The following DLGAP5 variants were observed in gnomAD, a reference collection of about 807,000 sequenced individuals.
The protein encoded by DLGAP5 is disks large-associated protein 5.
DLGAP5 carries 90 observed loss-of-function variants against 99.6 expected under a neutral mutation model. That is an observed-to-expected ratio of 0.90 (90% CI 0.76 to 1.08). The LOEUF (loss-of-function observed/expected upper bound fraction) is 1.08. Among genes scored for constraint, DLGAP5 ranks in the 50% least tolerant of loss-of-function variants. The probability of loss-of-function intolerance (pLI) is 0.00; values close to 1 mark genes in which losing one functional copy is unlikely to be tolerated. For missense variants in DLGAP5, 1,036 were observed against 983.5 expected (o/e 1.05, Z -0.71); for synonymous variants, 311 against 321.3 (o/e 0.97, Z 0.34).
intron 18 of DLGAP5, chr14:55,150,595 T>C (rs543453032): frequency 2.9e-6 from 1 of 343,000 alleles, no homozygotes; most frequent in East Asian, 5.3e-5. Context: ...TAGAAAAACA[T>C]ATCTTCAGGG....
rs377590196 is a variant in DLGAP5 at position 55,151,938 on chromosome 14, C to T, written c.2125G>A (p.Val709Ile). The change falls in exon 17 of 19, where the codon GTA becomes ATA. Residue 709 changes from valine (V) to isoleucine (I), a missense_variant. Physicochemically the swap from Val to Ile is conservative, Grantham distance 29. Coordinates refer to ENST00000247191, the MANE Select transcript of DLGAP5 (RefSeq NM_014750.5). ...LPDLIEENHV[V>I]NKTDLKVDCL... ...TCCACCTTCAAGTCTGTCTTATTTACAACCTGGAAGTAAAAATGGCATTAT... is the reference window on the plus strand; with the variant it reads ...TCCACCTTCAAGTCTGTCTTATTTATAACCTGGAAGTAAAAATGGCATTAT... 2.6e-5 allele frequency: 42 copies of T among 1,608,620 alleles called. No individual in the cohort carries two copies. Among genetic ancestry groups the T allele is most frequent in the Non-Finnish European group, 3.3e-5 (39 of 1,178,048 alleles).
chr14:55,162,926 C>A, intron 13 of DLGAP5, 45 bp downstream of exon 13: 1 of 1,101,652 alleles, frequency 9.1e-7, no homozygotes, highest in Non-Finnish European at 1.3e-6. Flanking sequence ...ATAACAGTTC[C>A]TTAACTAAAA....
intron 11 of DLGAP5, among the ~76,000 whole-genome samples, chr14:55,169,828 C>T (rs1038765210): frequency 3.3e-5 from 5 of 152,180 alleles, no homozygotes; most frequent in Admixed American, 6.6e-5. Context: ...AAGAACTCAA[C>T]GTCAGCCGGT....
intron 18 of DLGAP5, among the ~76,000 whole-genome samples, chr14:55,149,819 G>A (rs913054964): frequency 7.5e-5 from 3 of 39,800 alleles, no homozygotes; most frequent in East Asian, 8.5e-4. Context: ...TCGGGGCGGG[G>A]GGGGGGCATC....
chr14:55,187,700 C>T (rs1566510293), intron 2 of DLGAP5, among the ~76,000 whole-genome samples: 1 of 151,784 alleles, frequency 6.6e-6, no homozygotes, highest in South Asian at 2.1e-4. Flanking sequence ...TCACAGGCAC[C>T]ATTGTAGCAC....
Position 55,158,660 on chromosome 14 carries a change from T to C in DLGAP5, c.1735A>G (p.Ile579Val), listed in dbSNP as rs767025301. The change falls in exon 14 of 19, where the codon ATA becomes GTA. Residue 579 changes from isoleucine to valine, a missense_variant. Coordinates refer to ENST00000247191, the MANE Select transcript of DLGAP5 (RefSeq NM_014750.5). ...ATTCTCTCTCTCATTGCATTTTTTA[T>C]GGCAGCTAGGCGATTTCTCGCTGCA... ...RIAARNRLAA[I>V]KNAMRERIRQ... The C allele has an allele frequency of 6.3e-5, 101 of 1,614,040 alleles. No homozygotes were observed. The highest frequency in any genetic ancestry group is 8.2e-5 in the Non-Finnish European group (97 of 1,180,020).
rs186840287 is a variant in DLGAP5 at position 55,163,516 on chromosome 14, T to C, written c.1549-441A>G. Among the ~76,000 whole-genome samples the C allele has an allele frequency of 2.9e-3, 440 of 152,346 alleles. 4 individuals carry two copies. Among genetic ancestry groups the C allele is most frequent in the Non-Finnish European group, 4.6e-3 (312 of 68,028 alleles). On this transcript the variant is annotated intron_variant, in intron 12 of 18. Transcript: ENST00000247191. ...AAACATCCGTGTGCAGGTTTTTATA[T>C]GGACATAAGTTTTCAACTCATTTGG...
At position 55,150,306 on chromosome 14, in the gene DLGAP5, T is replaced by C. The variant is rs138236936; in HGVS notation, c.2418+493A>G. The C allele has an allele frequency of 4.4e-4, 68 of 153,846 alleles. 2 individuals are homozygous for C. In the East Asian group the frequency reaches 8.8e-3, roughly 20 times the overall value. The allele number at this position is 153,846 out of a possible 1,614,324, so 9.5% of individuals were successfully genotyped here. On this transcript the variant is annotated intron_variant, in intron 18 of 18. Coordinates refer to ENST00000247191, the MANE Select transcript of DLGAP5 (RefSeq NM_014750.5). ...GTATGCCTATGTGCATCTGTACCTATATATAAATTAACATGAGAGAGATAA... is the reference window on the plus strand; with the variant it reads ...GTATGCCTATGTGCATCTGTACCTACATATAAATTAACATGAGAGAGATAA...
At chr14:55,179,578 A>G in intron 7 of DLGAP5, 51 bp downstream of exon 7, 1 of 1,455,956 alleles carries the variant, frequency 6.9e-7, no homozygotes. Flanking sequence ...TTATGAAAGT[A>G]GCAATGAGAT....
intron 2 of DLGAP5, among the ~76,000 whole-genome samples, chr14:55,186,126 C>T (rs1883429227): frequency 1.3e-5 from 2 of 152,010 alleles, no homozygotes; most frequent in African/African-American, 4.8e-5. Context: ...CAAAATTAGC[C>T]AGGCGTGGTG....
At chr14:55,172,473 ATTTTTT>A (rs1193941154) in intron 10 of DLGAP5, among the ~76,000 whole-genome samples, 1 of 151,096 alleles carries the variant, frequency 6.6e-6, no homozygotes, top group Non-Finnish European at 1.5e-5. Flanking sequence ...CTTTATTTTT[ATTTTTT>A]TTAAATACAA....
At chr14:55,175,760 G>C (rs1326097575) in intron 9 of DLGAP5, 134 bp downstream of exon 9, 2 of 775,208 alleles carry the variant, frequency 2.6e-6, no homozygotes, top group Non-Finnish European at 1.9e-6. Flanking sequence ...AAATGATATG[G>C]TGAAAAAGAG....
At chr14:55,165,537 A>C (rs943482871) in intron 12 of DLGAP5, among the ~76,000 whole-genome samples, 1 of 151,870 alleles carries the variant, frequency 6.6e-6, no homozygotes, top group African/African-American at 2.4e-5. Context: ...AAACAAAAAA[A>C]AAAACCCCAA....
intron 14 of DLGAP5, among the ~76,000 whole-genome samples, chr14:55,157,126 C>T (rs80175069): frequency 0.026 from 3,933 of 152,282 alleles, 164 homozygotes; most frequent in African/African-American, 0.09. Context: ...ATGAGAAGGG[C>T]TTCTTCAGGG....
At position 55,177,226 on chromosome 14, in the gene DLGAP5, C is replaced by A. The variant is rs1385319147; in HGVS notation, c.885G>T (p.Glu295Asp). The stretch of plus-strand genomic sequence containing the variant: ...TCCCTTTTATTTTTGCAGTATTTAT[C>A]TCAGGTAAGTTTTCCATTTTTGATA... Reference protein sequence around the residue: ...GVLSKMENLPEINTAKIKGKN... With the variant: ...GVLSKMENLPDINTAKIKGKN... Residue 295 changes from glutamate to aspartate, a missense_variant, in exon 8 of 19, where the codon GAG (glutamate) becomes GAT (aspartate). Coordinates refer to ENST00000247191, the MANE Select transcript of DLGAP5 (RefSeq NM_014750.5). 1.2e-6 allele frequency: 2 copies of A among 1,613,398 alleles called. No individual in the cohort carries two copies.
intron 12 of DLGAP5, among the ~76,000 whole-genome samples, chr14:55,164,446 A>G (rs1158370742): frequency 1.3e-5 from 2 of 152,234 alleles, no homozygotes; most frequent in Admixed American, 1.3e-4. Context: ...GTTATCCATA[A>G]GCAAAAAGAT....
chr14:55,186,550 G>C (rs981357867), intron 2 of DLGAP5, among the ~76,000 whole-genome samples: 1 of 151,998 alleles, frequency 6.6e-6, no homozygotes, highest in Non-Finnish European at 1.5e-5. Flanking sequence ...ACTGACAAAA[G>C]GTAGTCAGTT....
intron 13 of DLGAP5, among the ~76,000 whole-genome samples, chr14:55,161,748 G>A (rs1425299738): frequency 1.3e-5 from 2 of 149,690 alleles, no homozygotes; most frequent in African/African-American, 4.9e-5. Flanking sequence ...AGTGGCTCAT[G>A]CCTGTAATCC....
intron 12 of DLGAP5, among the ~76,000 whole-genome samples, chr14:55,167,968 A>G (rs1029844162): frequency 6.6e-6 from 1 of 152,018 alleles, no homozygotes; most frequent in Admixed American, 6.6e-5. Flanking sequence ...AGGCTCCTTC[A>G]TTGTTCACTT....
Sources: allele counts gnomAD v4.1 joint callset (sites outside exome capture counted in the v4.1 genomes callset), GRCh38; gene constraint gnomAD v4.1.1; transcripts MANE v1.5; gene names NCBI Gene and HGNC (gene_info 2026-07-23, HGNC 2026-07-21).